The following TAB2 variants were observed in gnomAD, a reference collection of about 807,000 sequenced individuals.
TAB2 encodes the protein TGF-beta-activated kinase 1 and MAP3K7-binding protein 2.
Under a neutral mutation model 65.0 loss-of-function variants are expected in TAB2, and 3 were observed. The ratio of observed to expected loss-of-function variants is 0.05; its 90% CI spans 0.02 to 0.12. TAB2 has a LOEUF of 0.12. TAB2 is among the 10% of genes least tolerant of loss of function. The pLI is 1.00. For synonymous variants in TAB2, 298 were observed against 285.1 expected (o/e 1.05, Z -0.46); for missense variants, 623 against 840.3 (o/e 0.74, Z 3.20).
chr6:149,321,442 A>G (rs1779452612), intron 1 of TAB2: 1 of 152,194 alleles, frequency 6.6e-6, no homozygotes, highest in African/African-American at 2.4e-5. Context: ...TTAATCACTA[A>G]ACTTGACTGA....
At chr6:149,347,714 A>G (rs1012460100) in intron 1 of TAB2, among the ~76,000 whole-genome samples, 1 of 152,110 alleles carries the variant, frequency 6.6e-6, no homozygotes, top group East Asian at 1.9e-4. Context: ...TATAATTCCA[A>G]TAATTTACTA....
At chr6:149,361,167 G>T (rs1287863051) in intron 1 of TAB2, among the ~76,000 whole-genome samples, 2 of 152,180 alleles carry the variant, frequency 1.3e-5, no homozygotes, top group Non-Finnish European at 2.9e-5. Context: ...ACTCTGTGGG[G>T]CCTCCAACTC....
intron 1 of TAB2, among the ~76,000 whole-genome samples, chr6:149,278,736 A>G (rs1359570353): frequency 6.6e-6 from 1 of 152,178 alleles, no homozygotes; most frequent in Non-Finnish European, 1.5e-5. Context: ...AAGGAGAAGT[A>G]GAGGAAGGAA....
chr6:149,346,990 G>A (rs1314445704), intron 1 of TAB2, among the ~76,000 whole-genome samples: 1 of 152,100 alleles, frequency 6.6e-6, no homozygotes. Flanking sequence ...TTTTATAGAT[G>A]ATATTTATGC....
chr6:149,380,051 G>C (rs1781558472), intron 3 of TAB2: 1 of 422,138 alleles, frequency 2.4e-6, no homozygotes, highest in Admixed American at 2.7e-5. Context: ...ACCAGCTGGG[G>C]CAACATATGG....
At chr6:149,238,424 A>T (rs1168961404) in intron 1 of TAB2, among the ~76,000 whole-genome samples, 1 of 152,148 alleles carries the variant, frequency 6.6e-6, no homozygotes, top group Non-Finnish European at 1.5e-5. Context: ...CTGGGGTTCC[A>T]AATCGGGGTA....
rs966519312 is a variant in TAB2, at chr6:149,402,774, C to T, written c.1939+3590C>T. ...AACTGAGCACATTAAAAGGACCATA[C>T]GCCATGACCAAGTGGGGTTTATCTC... On this transcript the variant is annotated intron_variant, in intron 6 of 6. Coordinates refer to ENST00000637181, the MANE Select transcript of TAB2 (RefSeq NM_001292034.3). Among the ~76,000 whole-genome samples the T allele has an allele frequency of 5.3e-5, 8 of 152,110 alleles. No individual in the cohort carries two copies. In the East Asian group the frequency reaches 7.7e-4, roughly 15 times the overall value.
At chr6:149,289,606 C>A (rs1778739200) in intron 1 of TAB2, among the ~76,000 whole-genome samples, 1 of 152,214 alleles carries the variant, frequency 6.6e-6, no homozygotes, top group Non-Finnish European at 1.5e-5. Flanking sequence ...TCCACTCCAG[C>A]CACTGGGCCC....
intron 6 of TAB2, 107 bp from the exon 7 acceptor site, chr6:149,409,470 G>T: frequency 9.9e-7 from 1 of 1,006,968 alleles, no homozygotes; most frequent in Non-Finnish European, 1.5e-6. Flanking sequence ...CCCATTTGGG[G>T]AGCAAGCTGC....
intron 1 of TAB2, among the ~76,000 whole-genome samples, chr6:149,239,203 G>C (rs1192758948): frequency 2.0e-5 from 3 of 152,240 alleles, no homozygotes; most frequent in African/African-American, 7.2e-5. Context: ...ATGTCTGGCT[G>C]TTATCAACAC....
At chr6:149,254,025 A>AG (rs1231639209) in intron 1 of TAB2, among the ~76,000 whole-genome samples, 1 of 149,554 alleles carries the variant, frequency 6.7e-6, no homozygotes, top group African/African-American at 2.5e-5. Flanking sequence ...AAAGAAAGAA[A>AG]AGAAAGAAAG....
chr6:149,389,179 C>G (rs1359819200), intron 3 of TAB2, among the ~76,000 whole-genome samples: 1 of 151,950 alleles, frequency 6.6e-6, no homozygotes, highest in South Asian at 2.1e-4. Context: ...TGGTCTCAAT[C>G]TCTTGACCTC....
intron 1 of TAB2, among the ~76,000 whole-genome samples, chr6:149,334,225 C>T (rs1344043724): frequency 6.6e-6 from 1 of 152,186 alleles, no homozygotes; most frequent in Non-Finnish European, 1.5e-5. Flanking sequence ...CAGGTCTCCT[C>T]TCTCTTACCT....
chr6:149,218,745 A>G (rs1222857334), exon 1 of TAB2: 3 of 455,948 alleles, frequency 6.6e-6, no homozygotes, highest in African/African-American at 6.0e-5. Context: ...GACTAAGTTT[A>G]TTCCTCCAAA....
chr6:149,309,870 G>C (rs1479278645), intron 1 of TAB2, among the ~76,000 whole-genome samples: 1 of 122,444 alleles, frequency 8.2e-6, no homozygotes, highest in Non-Finnish European at 1.7e-5. Context: ...CACTGTGTGT[G>C]TGTGTGGGTG....
At chr6:149,326,102 A>G (rs1024017098) in intron 1 of TAB2, among the ~76,000 whole-genome samples, 15 of 152,184 alleles carry the variant, frequency 9.9e-5, no homozygotes, top group African/African-American at 3.4e-4. Flanking sequence ...CTGTATTGCT[A>G]TAGTACCAAG....
upstream of TAB2, among the ~76,000 whole-genome samples, chr6:149,315,941 T>TA (rs1779242203): frequency 6.6e-6 from 1 of 152,222 alleles, no homozygotes; most frequent in Non-Finnish European, 1.5e-5. Flanking sequence ...TAAATTTTTT[T>TA]AAAAATTTGC....
chr6:149,371,965 A>G (rs937251026), intron 2 of TAB2, among the ~76,000 whole-genome samples: 13 of 152,206 alleles, frequency 8.5e-5, no homozygotes, highest in African/African-American at 3.1e-4. Context: ...TTTTCAAGTA[A>G]AAGAGAATTT....
At chr6:149,359,015 T>C (rs1223099579) in intron 1 of TAB2, among the ~76,000 whole-genome samples, 1 of 152,152 alleles carries the variant, frequency 6.6e-6, no homozygotes, top group Non-Finnish European at 1.5e-5. Context: ...TTATATCTTA[T>C]TGTTATGATT....
Sources: allele counts gnomAD v4.1 joint callset (sites outside exome capture counted in the v4.1 genomes callset), GRCh38; gene constraint gnomAD v4.1.1; transcripts MANE v1.5; gene names NCBI Gene and HGNC (gene_info 2026-07-23, HGNC 2026-07-21).